Variants in HEATR5B observed in about 807,000 individuals in gnomAD.
HEATR5B encodes the protein HEAT repeat containing 5B.
Under a neutral mutation model 224.1 loss-of-function variants are expected in HEATR5B, and 156 were observed. The ratio of observed to expected loss-of-function variants is 0.70; its 90% CI spans 0.61 to 0.80. The LOEUF is 0.80. HEATR5B is among the 30% of genes least tolerant of loss of function. HEATR5B has a pLI of 0.00. For missense variants in HEATR5B, 2,323 were observed against 2,535.5 expected, an observed-to-expected ratio of 0.92 and a Z score of 1.80; for synonymous variants, 1,027 against 893.0, an observed-to-expected ratio of 1.15 and a Z score of -2.68.
At chr2:36,983,123 ATT>A (rs1665695292) in intron 35 of HEATR5B, among the ~76,000 whole-genome samples, 1 of 152,100 alleles carries the variant, frequency 6.6e-6, no homozygotes, top group African/African-American at 2.4e-5. Flanking sequence ...AATTAAATGG[ATT>A]TGTTTCCATA....
intron 20 of HEATR5B, among the ~76,000 whole-genome samples, chr2:37,039,605 G>T (rs891068281): frequency 6.6e-6 from 1 of 152,098 alleles, no homozygotes; most frequent in Non-Finnish European, 1.5e-5. Flanking sequence ...TCAGTCTCTG[G>T]GTTGTTATCC....
At position 37,032,647 on chromosome 2, in the gene HEATR5B, T is replaced by C; in HGVS notation, c.3343A>G (p.Lys1115Glu). The C allele has an allele frequency of 6.2e-7, 1 of 1,613,674 alleles. No individual in the cohort carries two copies. Among genetic ancestry groups the C allele is most frequent in the South Asian group, 1.1e-5 (1 of 90,926 alleles). Reference sequence around the variant, plus strand: ...AACTTACTGGCACTACTGCTCTCTTTGTCCCCTGTATTTTTTGCCAGGCTC... The same window carrying C: ...AACTTACTGGCACTACTGCTCTCTTCGTCCCCTGTATTTTTTGCCAGGCTC... ...AMSLAKNTGD[K>E]ESSSANVSPF... is the part of the protein sequence containing the mutation. Residue 1115 changes from lysine (K) to glutamate (E), a missense_variant, in exon 22 of 36, where the codon AAA becomes GAA. Physicochemically the swap from Lys to Glu is moderately conservative, Grantham distance 56. Transcript: ENST00000233099.
At chr2:37,035,370 G>A (rs1392233222) in intron 21 of HEATR5B, among the ~76,000 whole-genome samples, 3 of 152,124 alleles carry the variant, frequency 2.0e-5, no homozygotes, top group Non-Finnish European at 4.4e-5. Flanking sequence ...ACAGTCGTAA[G>A]TTATATGACT....
At chr2:37,077,603 C>T (rs951016991) in intron 3 of HEATR5B, among the ~76,000 whole-genome samples, 1 of 152,216 alleles carries the variant, frequency 6.6e-6, no homozygotes, top group African/African-American at 2.4e-5. Context: ...CCACAGCGCC[C>T]GGCCCCTAAG....
At chr2:37,045,414 C>T (rs932326710) in intron 18 of HEATR5B, among the ~76,000 whole-genome samples, 2 of 152,092 alleles carry the variant, frequency 1.3e-5, no homozygotes, top group Non-Finnish European at 2.9e-5. Flanking sequence ...TCAAGGCTTG[C>T]TTTTAAGCTT....
intron 21 of HEATR5B, 74 bp from the exon 22 acceptor site, chr2:37,032,847 T>A: frequency 8.2e-7 from 1 of 1,215,632 alleles, no homozygotes; most frequent in Non-Finnish European, 1.2e-6. Flanking sequence ...GCCCAATGAA[T>A]ATATATATAC....
chr2:37,064,189 C>T (rs1322875170), intron 10 of HEATR5B, among the ~76,000 whole-genome samples: 1 of 151,854 alleles, frequency 6.6e-6, no homozygotes, highest in African/African-American at 2.4e-5. Flanking sequence ...ATTATCCTGA[C>T]ATCTTTGAAT....
At position 37,053,553 on chromosome 2, in the gene HEATR5B, G is replaced by C. The variant is rs1205876501; in HGVS notation, c.2454C>G (p.Arg818=). The part of the protein sequence containing the change: ...AECVKQAKGV[R]QQAVQLNIFT... ...ATATGTTAAGCTGCACAGCCTGCTG[G>C]CGGACACCTTTAGCTTGTTTAACAC... is the stretch of plus-strand genomic sequence containing the variant. Residue 818 remains arginine, a synonymous_variant, in exon 17 of 36, where the codon CGC becomes CGG. Coordinates refer to ENST00000233099, the MANE Select transcript of HEATR5B (RefSeq NM_019024.3). The C allele has an allele frequency of 1.2e-6, 2 of 1,610,138 alleles. No homozygotes were observed. The highest frequency in any genetic ancestry group is 2.7e-5 in the African/African-American group (2 of 74,842).
In HEATR5B at chr2:37,003,540, A is replaced by G; in HGVS notation, c.5050+2T>C. ...CAAGTTAGTGTAATTTCTAGTGCTTACTTAGAGTGTTTCTTTTCTCTTGCA... is the reference window on the plus strand; with the variant it reads ...CAAGTTAGTGTAATTTCTAGTGCTTGCTTAGAGTGTTTCTTTTCTCTTGCA... On this transcript the variant is annotated splice_donor_variant, in intron 31 of 35. Transcript: ENST00000233099. LOFTEE classifies it high-confidence loss of function. 6.3e-7 allele frequency: 1 copy of G among 1,593,748 alleles called. No individual in the cohort carries two copies. Among genetic ancestry groups the G allele is most frequent in the Non-Finnish European group, 8.6e-7 (1 of 1,167,818 alleles).
chr2:37,003,611 C>T lies in HEATR5B; in HGVS notation c.4981G>A (p.Val1661Ile), dbSNP rs1667230638. ...ACTATCTGTTGTACAACTCCAGTAA[C>T]CAACAGCTGGACAGATGATGGATTC... The part of the protein sequence containing the change: ...TWNPSSVQLL[V>I]TGVVQQIVRA... Residue 1661 changes from valine (V) to isoleucine (I), a missense_variant, in exon 31 of 36, where the codon GTT becomes ATT. Transcript: ENST00000233099. 1 of 1,612,128 alleles carries T rather than the reference C, an allele frequency of 6.2e-7. No individual in the cohort carries two copies. Among genetic ancestry groups the T allele is most frequent in the Non-Finnish European group, 8.5e-7 (1 of 1,178,398 alleles).
Position 37,038,008 on chromosome 2 carries a change from A to G in HEATR5B, c.3063T>C (p.Thr1021=), listed in dbSNP as rs751318274. Residue 1021 remains threonine (T), a synonymous_variant, in exon 21 of 36, where the codon ACT becomes ACC. Coordinates refer to ENST00000233099, the MANE Select transcript of HEATR5B (RefSeq NM_019024.3). ...CCAAACAAGAGGAACGAATTGTAGAAGTTGTTGCTCCATTCCCTGGTGCAA... is the reference window on the plus strand; with the variant it reads ...CCAAACAAGAGGAACGAATTGTAGAGGTTGTTGCTCCATTCCCTGGTGCAA... ...GPELQGNGAT[T]STIRSSCLVG... 10 of 1,560,770 alleles carry G rather than the reference A, an allele frequency of 6.4e-6. No individual in the cohort carries two copies. Among genetic ancestry groups the G allele is most frequent in the Non-Finnish European group, 8.7e-6 (10 of 1,149,770 alleles).
chr2:37,066,005 G>T (rs1422946484), intron 8 of HEATR5B, 95 bp from the exon 9 acceptor site: 2 of 1,042,838 alleles, frequency 1.9e-6, no homozygotes, highest in Admixed American at 5.1e-5. Flanking sequence ...CATACCAGTT[G>T]ATGTCCGAGT....
At chr2:36,992,747 T>C (rs1164114350) in intron 33 of HEATR5B, among the ~76,000 whole-genome samples, 1 of 152,160 alleles carries the variant, frequency 6.6e-6, no homozygotes, top group Non-Finnish European at 1.5e-5. Context: ...TTATTTTTTT[T>C]TCTTTTTTCC....
intron 18 of HEATR5B, among the ~76,000 whole-genome samples, chr2:37,042,454 C>G (rs1669930036): frequency 6.6e-6 from 1 of 152,138 alleles, no homozygotes; most frequent in Non-Finnish European, 1.5e-5. Context: ...ACAAATTCTG[C>G]TAAAGATGAA....
At chr2:37,062,841 G>A (rs1041592185) in intron 10 of HEATR5B, among the ~76,000 whole-genome samples, 2 of 152,200 alleles carry the variant, frequency 1.3e-5, no homozygotes, top group South Asian at 2.1e-4. Context: ...AGGCTGGGGT[G>A]CAGTGGCACA....
At chr2:36,982,392 A>G (rs1665642586) in intron 35 of HEATR5B, among the ~76,000 whole-genome samples, 1 of 152,190 alleles carries the variant, frequency 6.6e-6, no homozygotes, top group Admixed American at 6.5e-5. Flanking sequence ...TGGAGGCTTC[A>G]TCTCCTTTTG....
At chr2:36,987,451 T>C (rs1025705158) in intron 35 of HEATR5B, among the ~76,000 whole-genome samples, 19 of 151,828 alleles carry the variant, frequency 1.3e-4, no homozygotes, top group African/African-American at 4.1e-4. Context: ...ATTTGTGATC[T>C]TGAAAAATTA....
At position 37,003,634 on chromosome 2, in the gene HEATR5B, T is replaced by C. The variant is rs1667231858; in HGVS notation, c.4958A>G (p.Asn1653Ser). ...AACCAACAGCTGGACAGATGATGGA[T>C]TCCAGGTCAATAGAAGGCGGTGCAA... ...SVLHRLLLTW[N>S]PSSVQLLVTG... Residue 1653 changes from asparagine (N) to serine (S), a missense_variant, in exon 31 of 36, where the codon AAT becomes AGT. Around this residue, in one of 12 missense-constraint regions of HEATR5B, gnomAD observed 844 missense variants for 812.9 expected, o/e 1.04. Transcript: ENST00000233099. The C allele has an allele frequency of 4.3e-6, 7 of 1,612,666 alleles. No individual in the cohort carries two copies. Among genetic ancestry groups the C allele is most frequent in the Non-Finnish European group, 5.9e-6 (7 of 1,179,040 alleles).
chr2:37,059,446 G>A (rs367715876), intron 12 of HEATR5B, among the ~76,000 whole-genome samples: 7,352 of 41,852 alleles, frequency 0.18, 403 homozygotes, highest in Non-Finnish European at 0.2. Flanking sequence ...GTGTGTGTGT[G>A]TATATATATA....
Sources: gnomAD v4.1 joint callset for allele counts (sites outside exome capture counted in the v4.1 genomes callset) on GRCh38, gnomAD v4.1.1 for gene constraint, gnomAD v4.1.1 regional missense constraint, MANE v1.5 for transcripts, NCBI Gene and HGNC (gene_info 2026-07-23, HGNC 2026-07-21) for gene names.